Variants in TNR observed in about 807,000 individuals in gnomAD.
TNR encodes tenascin R.
In TNR, 45 loss-of-function variants were observed where a neutral mutation model predicts 150.4. The observed-to-expected ratio is 0.30, with a 90% CI of 0.24 to 0.38. The LOEUF (loss-of-function observed/expected upper bound fraction) is 0.38, where lower values mean the gene tolerates loss of function less well. Ranked by LOEUF, TNR falls within the 10% of genes least tolerant of loss-of-function variation. The probability of loss-of-function intolerance (pLI) is 1.00; values close to 1 mark genes in which losing one functional copy is unlikely to be tolerated. For missense variants in TNR, 1,544 were observed against 1,759.1 expected (o/e 0.88, Z 2.19); for synonymous variants, 687 against 678.4 (o/e 1.01, Z -0.20).
At chr1:175,438,605 G>A (rs1342794208) in intron 2 of TNR, among the ~76,000 whole-genome samples, 1 of 152,188 alleles carries the variant, frequency 6.6e-6, no homozygotes, top group Non-Finnish European at 1.5e-5. Flanking sequence ...GTTTGCAGAT[G>A]ACATGATTGT....
intron 2 of TNR, among the ~76,000 whole-genome samples, chr1:175,431,319 A>G (rs939688784): frequency 1.3e-5 from 2 of 152,238 alleles, no homozygotes. Flanking sequence ...GAGAAACAAT[A>G]GACATGTTCT....
At chr1:175,522,653 GA>G (rs1242057558) in intron 2 of TNR, among the ~76,000 whole-genome samples, 2 of 152,056 alleles carry the variant, frequency 1.3e-5, no homozygotes, top group South Asian at 2.1e-4. Context: ...AGTACTGGAG[GA>G]AAAAAAAGAA....
chr1:175,687,316 G>A (rs560742768), intron 1 of TNR, among the ~76,000 whole-genome samples: 3 of 151,948 alleles, frequency 2.0e-5, no homozygotes, highest in Admixed American at 6.6e-5. Flanking sequence ...AGCCCCCTTC[G>A]TGCCCTTAAG....
At chr1:175,400,497 A>C (rs944067724) in intron 4 of TNR, among the ~76,000 whole-genome samples, 2 of 152,206 alleles carry the variant, frequency 1.3e-5, no homozygotes, top group African/African-American at 4.8e-5. Context: ...TGGAGGCAGA[A>C]GTCTTGAGAT....
At chr1:175,678,041 C>T (rs1343511889) in intron 1 of TNR, among the ~76,000 whole-genome samples, 2 of 151,790 alleles carry the variant, frequency 1.3e-5, no homozygotes, top group Admixed American at 6.6e-5. Flanking sequence ...AAAGCTGTTC[C>T]TAATGGGCAT....
chr1:175,546,978 TC>T (rs1288633842), intron 1 of TNR, among the ~76,000 whole-genome samples: 1 of 152,096 alleles, frequency 6.6e-6, no homozygotes. Context: ...CCAGTCACTT[TC>T]CCCCTTCCTT....
rs141845940 is a variant in TNR at position 175,742,666 on chromosome 1, G to T, written c.-165+560C>A. The stretch of plus-strand genomic sequence containing the variant: ...AGAAGAGAAAGTAAAAGGTCAGGTT[G>T]GGCTCTCTCCACAGCAAGAGCCCAG... On this transcript the variant is annotated intron_variant, in intron 1 of 22. Transcript: ENST00000367674. 4.3e-3 allele frequency among the ~76,000 whole-genome samples: 658 copies of T among 152,210 alleles called. 10 individuals are homozygous for T. Among genetic ancestry groups the T allele is most frequent in the African/African-American group, 0.015 (615 of 41,508 alleles).
chr1:175,724,318 C>T lies in TNR; in HGVS notation c.-165+18908G>A, dbSNP rs904331998. Among the ~76,000 whole-genome samples the T allele has an allele frequency of 8.5e-5, 13 of 152,148 alleles. No individual in the cohort carries two copies. In the East Asian group the frequency reaches 2.5e-3, roughly 29 times the overall value. ...GGCGGATGGCAAAGGGGAGCCAGTA[C>T]TTTACATGGCCACAGCAAGAGGAAG... On this transcript the variant is annotated intron_variant, in intron 1 of 22. Coordinates refer to ENST00000367674, the MANE Select transcript of TNR (RefSeq NM_003285.3).
At chr1:175,506,932 G>T (rs985511874) in intron 2 of TNR, among the ~76,000 whole-genome samples, 14 of 152,350 alleles carry the variant, frequency 9.2e-5, no homozygotes, top group African/African-American at 3.4e-4. Flanking sequence ...GTGTGCTTAT[G>T]TGAGGTGGAG....
intron 1 of TNR, among the ~76,000 whole-genome samples, chr1:175,592,496 C>G (rs1203065676): frequency 6.6e-6 from 1 of 151,196 alleles, no homozygotes; most frequent in Non-Finnish European, 1.5e-5. Flanking sequence ...CTGAGGGACC[C>G]CTGGCTCGAG....
chr1:175,641,321 G>A (rs1258137788), intron 1 of TNR, among the ~76,000 whole-genome samples: 2 of 152,188 alleles, frequency 1.3e-5, no homozygotes, highest in Admixed American at 6.5e-5. Context: ...AAAGAAAAAA[G>A]AGAGAGAGAA....
intron 21 of TNR, among the ~76,000 whole-genome samples, chr1:175,325,398 A>G (rs958678897): frequency 3.9e-5 from 6 of 152,186 alleles, no homozygotes; most frequent in African/African-American, 1.4e-4. Context: ...GGAGAAATAG[A>G]AACACTTTTA....
intron 1 of TNR, among the ~76,000 whole-genome samples, chr1:175,534,467 C>A (rs911446035): frequency 6.6e-6 from 1 of 152,346 alleles, no homozygotes; most frequent in Non-Finnish European, 1.5e-5. Flanking sequence ...TTAGTGCTAC[C>A]TCATTCTCCT....
At chr1:175,514,173 G>A (rs559949227) in intron 2 of TNR, among the ~76,000 whole-genome samples, 19 of 152,298 alleles carry the variant, frequency 1.2e-4, no homozygotes, top group South Asian at 6.2e-4. Context: ...GATGAACTGG[G>A]TATTCCTAGT....
intron 1 of TNR, among the ~76,000 whole-genome samples, chr1:175,676,292 G>A (rs1665863914): frequency 6.6e-6 from 1 of 152,102 alleles, no homozygotes; most frequent in African/African-American, 2.4e-5. Flanking sequence ...CTCAGAAAAG[G>A]GAAAAGCCAA....
At chr1:175,454,560 C>G (rs564594873) in intron 2 of TNR, among the ~76,000 whole-genome samples, 9 of 152,080 alleles carry the variant, frequency 5.9e-5, no homozygotes, top group Middle Eastern at 3.4e-3. Context: ...AACCTCCCCT[C>G]TCCTGGGTTC....
intron 1 of TNR, among the ~76,000 whole-genome samples, chr1:175,555,413 G>C (rs1048139347): frequency 6.6e-6 from 1 of 151,724 alleles, no homozygotes; most frequent in African/African-American, 2.4e-5. Context: ...AAAGACATCA[G>C]CTCCTGGGCT....
chr1:175,732,352 A>G (rs1667664596), intron 1 of TNR, among the ~76,000 whole-genome samples: 1 of 152,230 alleles, frequency 6.6e-6, no homozygotes, highest in African/African-American at 2.4e-5. Context: ...AAAGTGAATG[A>G]GGCTTTTGTG....
intron 1 of TNR, among the ~76,000 whole-genome samples, chr1:175,704,501 C>T (rs1416724533): frequency 6.6e-6 from 1 of 152,182 alleles, no homozygotes. Context: ...TGTGTGAAGT[C>T]AAGCAGTACC....
Sources: gnomAD v4.1 joint callset for allele counts (sites outside exome capture counted in the v4.1 genomes callset) on GRCh38, gnomAD v4.1.1 for gene constraint, MANE v1.5 for transcripts, NCBI Gene and HGNC (gene_info 2026-07-23, HGNC 2026-07-21) for gene names.